Variants in CALCR observed in about 807,000 individuals in gnomAD.
CALCR encodes the protein calcitonin receptor.
A neutral mutation model predicts 59.5 loss-of-function variants in CALCR; 47 were observed. That is an observed-to-expected ratio of 0.79 (90% CI 0.63 to 1.01). The LOEUF (loss-of-function observed/expected upper bound fraction) is 1.01, where lower values mean the gene tolerates loss of function less well. Ranked by LOEUF, CALCR falls within the 50% of genes least tolerant of loss-of-function variation. CALCR has a pLI of 0.00. For missense variants in CALCR, 566 were observed against 597.1 expected (o/e 0.95, Z 0.54); for synonymous variants, 213 against 211.3 (o/e 1.01, Z -0.07).
At chr7:93,473,858 G>T (rs1365397205) in intron 5 of CALCR, among the ~76,000 whole-genome samples, 1 of 151,586 alleles carries the variant, frequency 6.6e-6, no homozygotes, top group East Asian at 1.9e-4. Context: ...TATATTCAGT[G>T]CTGGTTACAG....
At chr7:93,549,761 A>G (rs1405659467) in intron 2 of CALCR, among the ~76,000 whole-genome samples, 1 of 152,228 alleles carries the variant, frequency 6.6e-6, no homozygotes, top group East Asian at 1.9e-4. Context: ...GCAGCTATGT[A>G]TCTTTATAAC....
At chr7:93,518,540 A>T (rs961543343) in intron 2 of CALCR, among the ~76,000 whole-genome samples, 2 of 151,930 alleles carry the variant, frequency 1.3e-5, no homozygotes, top group Non-Finnish European at 2.9e-5. Flanking sequence ...ATGAAGAAAA[A>T]TGCACTTCTG....
chr7:93,441,680 C>A (rs1175759801), intron 9 of CALCR: 2 of 387,530 alleles, frequency 5.2e-6, no homozygotes, highest in East Asian at 7.1e-5. Context: ...GATTTCTAAC[C>A]TCACTGGATG....
chr7:93,521,908 G>A lies in CALCR; in HGVS notation c.-26-34901C>T, dbSNP rs1044303854. Among the ~76,000 whole-genome samples the A allele has an allele frequency of 1.7e-4, 26 of 152,218 alleles. 1 individual carries two copies. Among genetic ancestry groups the A allele is most frequent in the African/African-American group, 6.0e-4 (25 of 41,550 alleles). ...AACTTTTGTTATGTGGTCAAGCTCT[G>A]GCTTTACAGTATCATTTTGGAGAAA... On this transcript the variant is annotated intron_variant, in intron 2 of 13. Coordinates refer to ENST00000426151, the MANE Select transcript of CALCR (RefSeq NM_001742.4).
Position 93,438,285 on chromosome 7 carries a change from A to C in CALCR, c.803-15T>G, listed in dbSNP as rs45499693. 27,865 of 1,599,614 alleles carry C rather than the reference A, an allele frequency of 0.017. 328 individuals carry two copies. Among genetic ancestry groups the C allele is most frequent in the South Asian group, 0.031 (2,848 of 90,774 alleles). ...CAGCGGGAACCCTACAAATGTGAAA[A>C]GTACAAATCACACTTGGTTTCTTGG... On this transcript the variant is annotated splice_polypyrimidine_tract_variant and intron_variant, in intron 9 of 13. Coordinates refer to ENST00000426151, the MANE Select transcript of CALCR (RefSeq NM_001742.4).
intron 5 of CALCR, among the ~76,000 whole-genome samples, chr7:93,473,542 T>C (rs1262537574): frequency 2.6e-5 from 4 of 151,112 alleles, no homozygotes; most frequent in Non-Finnish European, 4.4e-5. Context: ...TACCTGGAAG[T>C]TGGATTTGGC....
chr7:93,486,817 G>A, intron 3 of CALCR, 114 bp downstream of exon 3: 1 of 715,264 alleles, frequency 1.4e-6, no homozygotes, highest in Non-Finnish European at 2.4e-6. Flanking sequence ...CTTAGTTTCG[G>A]CTTCTGGAGA....
chr7:93,505,284 C>A (rs1801402700), intron 2 of CALCR, among the ~76,000 whole-genome samples: 1 of 152,052 alleles, frequency 6.6e-6, no homozygotes, highest in African/African-American at 2.4e-5. Flanking sequence ...CTGTTTTTGT[C>A]AAAGCAGGAA....
chr7:93,449,221 TTTC>T (rs1800061637), intron 8 of CALCR, among the ~76,000 whole-genome samples: 1 of 152,028 alleles, frequency 6.6e-6, no homozygotes, highest in Non-Finnish European at 1.5e-5. Context: ...CTAAAAATGT[TTTC>T]TTATCAGTTT....
At chr7:93,530,095 A>C (rs1009358050) in intron 2 of CALCR, among the ~76,000 whole-genome samples, 7 of 152,126 alleles carry the variant, frequency 4.6e-5, no homozygotes, top group African/African-American at 1.7e-4. Flanking sequence ...ATCAAGTTCT[A>C]AAAAGAGCTC....
intron 3 of CALCR, 57 bp from the exon 4 acceptor site, chr7:93,479,564 T>G (rs1800748754): frequency 6.8e-7 from 1 of 1,468,428 alleles, no homozygotes; most frequent in Non-Finnish European, 9.3e-7. Context: ...TGAGCACAAA[T>G]AAATGAGACA....
intron 8 of CALCR, among the ~76,000 whole-genome samples, chr7:93,451,425 T>C (rs1488151113): frequency 3.3e-5 from 5 of 152,058 alleles, no homozygotes; most frequent in African/African-American, 1.2e-4. Flanking sequence ...TGGGGTTCAT[T>C]TAAAAGCATG....
chr7:93,544,126 T>TTTTG (rs751573967), intron 2 of CALCR, among the ~76,000 whole-genome samples: 151 of 152,026 alleles, frequency 9.9e-4, no homozygotes, highest in Non-Finnish European at 1.5e-3. Flanking sequence ...GATAGTAACT[T>TTTTG]TTAATTTTGT....
intron 2 of CALCR, among the ~76,000 whole-genome samples, chr7:93,550,680 A>C (rs1584625688): frequency 6.6e-6 from 1 of 151,392 alleles, no homozygotes; most frequent in African/African-American, 2.4e-5. Context: ...AGGGTATCAG[A>C]CAAGAACAAT....
chr7:93,500,106 T>C lies in CALCR; in HGVS notation c.-26-13099A>G, dbSNP rs139508550. Among the ~76,000 whole-genome samples, 364 of 152,030 alleles carry C rather than the reference T, an allele frequency of 2.4e-3. 3 individuals carry two copies. The highest frequency in any genetic ancestry group is 7.8e-3 in the African/African-American group (322 of 41,534). On this transcript the variant is annotated intron_variant, in intron 2 of 13. Transcript: ENST00000426151. ...TACTGAATGATTTATTTTAAATCTG[T>C]TTGAAAGTTAGTGGAAGAGCTCTAA...
At chr7:93,457,717 T>C (rs942181504) in intron 8 of CALCR, among the ~76,000 whole-genome samples, 3 of 152,192 alleles carry the variant, frequency 2.0e-5, no homozygotes, top group Non-Finnish European at 4.4e-5. Flanking sequence ...TCTTAGTTAA[T>C]TGCTTCTACC....
At chr7:93,568,592 T>C (rs1385679336) in intron 2 of CALCR, among the ~76,000 whole-genome samples, 1 of 150,414 alleles carries the variant, frequency 6.6e-6, no homozygotes, top group Non-Finnish European at 1.5e-5. Flanking sequence ...CTGTCTTTTT[T>C]TTGCAGGATT....
intron 2 of CALCR, among the ~76,000 whole-genome samples, chr7:93,569,935 GACAC>G (rs3068441): frequency 3.5e-3 from 506 of 144,090 alleles, no homozygotes; most frequent in African/African-American, 5.4e-3. Context: ...GATGTAAAGG[GACAC>G]ACACACACAC....
chr7:93,460,595 A>ATATATATATATATATATG (rs1800310415), intron 8 of CALCR, among the ~76,000 whole-genome samples: 1 of 77,822 alleles, frequency 1.3e-5, no homozygotes, highest in African/African-American at 5.1e-5. Context: ...ATATATATGT[A>ATATATATATATATATATG]TATATATATA....
Sources: allele counts gnomAD v4.1 joint callset (sites outside exome capture counted in the v4.1 genomes callset), GRCh38; gene constraint gnomAD v4.1.1; transcripts MANE v1.5; gene names NCBI Gene and HGNC (gene_info 2026-07-23, HGNC 2026-07-21).